PALLD: variants seen among roughly 807,000 people sequenced by gnomAD.
The protein encoded by PALLD is palladin.
PALLD carries 61 observed loss-of-function variants against 123.5 expected under a neutral mutation model. The observed-to-expected ratio is 0.49, with a 90% confidence interval of 0.40 to 0.61. The LOEUF is 0.61. Ranked by LOEUF, PALLD falls within the 20% of genes least tolerant of loss-of-function variation. The pLI is 0.00. For missense variants in PALLD, 1,273 were observed against 1,377.0 expected (o/e 0.92, Z 1.20); for synonymous variants, 465 against 496.4 (o/e 0.94, Z 0.84).
intron 10 of PALLD, among the ~76,000 whole-genome samples, chr4:168,837,766 T>G (rs1436144954): frequency 6.6e-6 from 1 of 152,168 alleles, no homozygotes; most frequent in Non-Finnish European, 1.5e-5. Context: ...TCAACAAATA[T>G]TTTTGGAGCA....
At chr4:168,733,885 C>T (rs1443115150) in intron 10 of PALLD, among the ~76,000 whole-genome samples, 1 of 152,186 alleles carries the variant, frequency 6.6e-6, no homozygotes, top group Non-Finnish European at 1.5e-5. Context: ...CAGGCGCCCG[C>T]CACCGCACCT....
At chr4:168,710,614 G>A (rs1417456579) in intron 9 of PALLD, among the ~76,000 whole-genome samples, 2 of 152,150 alleles carry the variant, frequency 1.3e-5, no homozygotes, top group Non-Finnish European at 2.9e-5. Flanking sequence ...GAAAAGAAAT[G>A]GGAGGGTCAT....
At chr4:168,916,580 T>C (rs1327278260) in intron 17 of PALLD, among the ~76,000 whole-genome samples, 1 of 152,224 alleles carries the variant, frequency 6.6e-6, no homozygotes, top group Non-Finnish European at 1.5e-5. Flanking sequence ...CCTTTAAATG[T>C]TGAAATAATA....
At chr4:168,529,261 CA>C (rs1024853196) in intron 2 of PALLD, among the ~76,000 whole-genome samples, 9 of 151,898 alleles carry the variant, frequency 5.9e-5, no homozygotes, top group African/African-American at 1.9e-4. Flanking sequence ...TGCTTGAAAC[CA>C]GGAGGTGGAG....
intron 10 of PALLD, among the ~76,000 whole-genome samples, chr4:168,795,213 A>C (rs1179004948): frequency 2.0e-5 from 3 of 152,312 alleles, no homozygotes; most frequent in East Asian, 1.9e-4. Flanking sequence ...CTTTAGCAAG[A>C]TCTCACAATG....
At chr4:168,660,574 CATT>C (rs937489940) in intron 2 of PALLD, among the ~76,000 whole-genome samples, 4 of 149,884 alleles carry the variant, frequency 2.7e-5, no homozygotes, top group African/African-American at 9.9e-5. Flanking sequence ...AGGGAGGAAT[CATT>C]ATGCAACAAC....
chr4:168,871,613 T>A (rs556638589), intron 10 of PALLD, among the ~76,000 whole-genome samples: 4 of 152,370 alleles, frequency 2.6e-5, no homozygotes, highest in East Asian at 1.9e-4. Flanking sequence ...ATAGTTTTTA[T>A]AAGAATCAAC....
chr4:168,810,678 C>G (rs190933046), intron 10 of PALLD, among the ~76,000 whole-genome samples: 4 of 151,520 alleles, frequency 2.6e-5, no homozygotes, highest in African/African-American at 4.8e-5. Context: ...CGTGGTGGCT[C>G]ACGCCTGTAG....
At chr4:168,922,141 AC>A (rs1442379985) in intron 18 of PALLD, among the ~76,000 whole-genome samples, 14 of 147,764 alleles carry the variant, frequency 9.5e-5, no homozygotes, top group African/African-American at 3.4e-4. Flanking sequence ...ACACACACAC[AC>A]ACCTGGTTTT....
rs1773010218 is a variant in PALLD, at chr4:168,604,822, A to C, written c.909-63368A>C. 4.6e-5 allele frequency among the ~76,000 whole-genome samples: 7 copies of C among 152,188 alleles called. No homozygotes were observed. The South Asian group carries it at 1.2e-3, about 27-fold the overall frequency. On this transcript the variant is annotated intron_variant, in intron 2 of 21. Transcript: ENST00000505667. ...GAGAATGCCTGGCAGACTCAGTCCTATTCAGTGTGTTAAATAGAGGGTAAG... is the reference window on the plus strand; with the variant it reads ...GAGAATGCCTGGCAGACTCAGTCCTCTTCAGTGTGTTAAATAGAGGGTAAG...
In PALLD at chr4:168,745,415, C is replaced by CTGTGAGAT. The variant is rs1730134351; in HGVS notation, c.1964+33493_1964+33500dup. Among the ~76,000 whole-genome samples, 6 of 96,276 alleles carry CTGTGAGAT rather than the reference C, an allele frequency of 6.2e-5. No homozygotes were observed. The South Asian group carries it at 1.9e-3, about 30-fold the overall frequency. The allele number at this position is 96,276 out of a possible 152,430, so 63.2% of individuals were successfully genotyped here. A position where few individuals can be genotyped will look rare whatever the true frequency, so the allele number is the denominator to read the frequency against. ...CTGTGGTGACATCATTAGTTAGAGT[C>CTGTGAGAT]TGTGAGATGGGAGGGGGGGGCAAAT... On this transcript the variant is annotated intron_variant, in intron 10 of 21. Coordinates refer to ENST00000505667, the MANE Select transcript of PALLD (RefSeq NM_001166108.2).
At chr4:168,497,303 C>CA (rs761803932) in intron 1 of PALLD, 109 bp downstream of exon 1, 10 of 151,330 alleles carry the variant, frequency 6.6e-5, no homozygotes, top group Non-Finnish European at 1.3e-4. Flanking sequence ...ATACTATTTA[C>CA]AAGATACCTT....
chr4:168,639,647 C>A (rs952580121), intron 2 of PALLD, among the ~76,000 whole-genome samples: 1 of 151,850 alleles, frequency 6.6e-6, no homozygotes, highest in East Asian at 1.9e-4. Flanking sequence ...AGGTTCACAC[C>A]ATTCTCCTGC....
rs1051599291 is a variant in PALLD, at chr4:168,567,296, G to A, written c.908+54884G>A. Among the ~76,000 whole-genome samples, 4 of 151,344 alleles carry A rather than the reference G, an allele frequency of 2.6e-5. No homozygotes were observed. The South Asian group carries it at 8.6e-4, about 33-fold the overall frequency. ...GCATCTGACAAACGACTAATAATTG[G>A]AATCTACAAGAAACTCAAACAACTC... On this transcript the variant is annotated intron_variant, in intron 2 of 21. Transcript: ENST00000505667.
intron 10 of PALLD, chr4:168,878,356 C>G: frequency 6.6e-7 from 1 of 1,518,728 alleles, no homozygotes; most frequent in Non-Finnish European, 8.8e-7. Flanking sequence ...CGCCGGCGGC[C>G]GTCAACGCCC....
intron 16 of PALLD, among the ~76,000 whole-genome samples, chr4:168,914,431 C>T (rs976042108): frequency 6.6e-6 from 1 of 152,186 alleles, no homozygotes; most frequent in African/African-American, 2.4e-5. Context: ...AAAATCAGCT[C>T]ATTTGTTAAT....
At chr4:168,517,241 T>C (rs1319345618) in intron 2 of PALLD, among the ~76,000 whole-genome samples, 1 of 152,176 alleles carries the variant, frequency 6.6e-6, no homozygotes, top group Non-Finnish European at 1.5e-5. Flanking sequence ...TCCAAACACA[T>C]CTTTATATTA....
intron 15 of PALLD, among the ~76,000 whole-genome samples, chr4:168,905,219 C>T (rs1238935127): frequency 4.7e-5 from 6 of 127,152 alleles, no homozygotes; most frequent in Admixed American, 1.9e-4. Context: ...GGCGCGATCT[C>T]GGCTCACTGC....
intron 10 of PALLD, among the ~76,000 whole-genome samples, chr4:168,791,496 A>G (rs1242686412): frequency 6.6e-6 from 1 of 152,164 alleles, no homozygotes; most frequent in African/African-American, 2.4e-5. Flanking sequence ...GGAGGGAGAA[A>G]AAAGCGCAGG....
Sources: allele counts gnomAD v4.1 joint callset (sites outside exome capture counted in the v4.1 genomes callset), GRCh38; gene constraint gnomAD v4.1.1; transcripts MANE v1.5; gene names NCBI Gene and HGNC (gene_info 2026-07-23, HGNC 2026-07-21).